THEMIS: variants seen among roughly 807,000 people sequenced by gnomAD.
THEMIS encodes the protein thymocyte selection associated.
THEMIS carries 37 observed loss-of-function variants against 52.6 expected under a neutral mutation model. The ratio of observed to expected loss-of-function variants is 0.70; its 90% CI spans 0.54 to 0.93. The LOEUF (loss-of-function observed/expected upper bound fraction) is 0.93, where lower values mean the gene tolerates loss of function less well. Ranked by LOEUF, THEMIS falls within the 40% of genes least tolerant of loss-of-function variation. The probability of loss-of-function intolerance (pLI) is 0.00; values close to 1 mark genes in which losing one functional copy is unlikely to be tolerated. For missense variants in THEMIS, 808 were observed against 763.1 expected, an observed-to-expected ratio of 1.06 and a Z score of -0.69; for synonymous variants, 292 against 272.7, an observed-to-expected ratio of 1.07 and a Z score of -0.70.
At chr6:127,858,246 T>A (rs1436376007) in intron 1 of THEMIS, among the ~76,000 whole-genome samples, 2 of 152,084 alleles carry the variant, frequency 1.3e-5, no homozygotes, top group Non-Finnish European at 2.9e-5. Context: ...ACTCTTCAGG[T>A]CTTTTTCCAA....
intron 1 of THEMIS, among the ~76,000 whole-genome samples, chr6:127,860,602 T>C (rs1427426590): frequency 6.6e-6 from 1 of 152,118 alleles, no homozygotes; most frequent in Non-Finnish European, 1.5e-5. Flanking sequence ...TGGTGAGTCT[T>C]ACTTAAAACA....
intron 3 of THEMIS, among the ~76,000 whole-genome samples, chr6:127,819,348 A>T (rs1318929847): frequency 6.6e-6 from 1 of 152,114 alleles, no homozygotes; most frequent in African/African-American, 2.4e-5. Flanking sequence ...AAGATGTAAC[A>T]TGTATGTCCT....
intron 2 of THEMIS, among the ~76,000 whole-genome samples, chr6:127,843,501 C>T (rs942101665): frequency 5.3e-5 from 8 of 151,678 alleles, no homozygotes; most frequent in East Asian, 3.9e-4. Flanking sequence ...TAAAATATTT[C>T]GATAATTTTA....
chr6:127,905,183 G>A (rs1490650097), upstream of THEMIS, among the ~76,000 whole-genome samples: 1 of 151,948 alleles, frequency 6.6e-6, no homozygotes, highest in Non-Finnish European at 1.5e-5. Flanking sequence ...GCAAAAGAAG[G>A]CACACTAAGG....
intron 4 of THEMIS, among the ~76,000 whole-genome samples, chr6:127,797,718 T>C (rs988954800): frequency 1.3e-5 from 2 of 152,312 alleles, no homozygotes; most frequent in South Asian, 4.1e-4. Context: ...CAGGATATGG[T>C]TAACAACCAT....
chr6:127,799,465 A>G (rs1466257840), intron 4 of THEMIS, among the ~76,000 whole-genome samples: 2 of 152,216 alleles, frequency 1.3e-5, no homozygotes, highest in Non-Finnish European at 2.9e-5. Context: ...AAGTCAGTAG[A>G]TGGTGGTGGC....
upstream of THEMIS, among the ~76,000 whole-genome samples, chr6:127,905,326 G>A (rs960336759): frequency 4.6e-5 from 7 of 151,916 alleles, no homozygotes; most frequent in Non-Finnish European, 5.9e-5. Context: ...ACCAATAAGG[G>A]TAGAACACAA....
At chr6:127,707,534 T>C (rs138766316), downstream of THEMIS, among the ~76,000 whole-genome samples, 1 of 152,256 alleles carries the variant, frequency 6.6e-6, no homozygotes, top group African/African-American at 2.4e-5. Flanking sequence ...CAGAGATGAC[T>C]GAAGTTTGGA....
chr6:127,901,955 A>G (rs1259075621), upstream of THEMIS, among the ~76,000 whole-genome samples: 5 of 152,066 alleles, frequency 3.3e-5, no homozygotes, highest in Admixed American at 1.3e-4. Context: ...TATTTTTTGC[A>G]TGTAACTGAA....
chr6:127,807,535 C>T (rs1223930051), intron 4 of THEMIS, among the ~76,000 whole-genome samples: 2 of 151,898 alleles, frequency 1.3e-5, no homozygotes, highest in Non-Finnish European at 2.9e-5. Flanking sequence ...TAAATATGTC[C>T]GTATTCTATC....
downstream of THEMIS, among the ~76,000 whole-genome samples, chr6:127,703,173 G>A (rs950634043): frequency 4.1e-5 from 6 of 147,628 alleles, no homozygotes; most frequent in African/African-American, 9.9e-5. Context: ...TCAGCCTCTC[G>A]AGTAGCTGGG....
At chr6:127,756,196 T>G (rs1775819978) in intron 4 of THEMIS, among the ~76,000 whole-genome samples, 1 of 152,208 alleles carries the variant, frequency 6.6e-6, no homozygotes, top group Non-Finnish European at 1.5e-5. Flanking sequence ...TATACAAGGC[T>G]GTCAGGTAAA....
At chr6:127,864,670 T>C (rs1452900429) in intron 1 of THEMIS, among the ~76,000 whole-genome samples, 1 of 152,078 alleles carries the variant, frequency 6.6e-6, no homozygotes, top group East Asian at 1.9e-4. Context: ...TAACAAATAC[T>C]AAATCAACCT....
chr6:127,824,819 A>G (rs1488760211), intron 3 of THEMIS, among the ~76,000 whole-genome samples: 3 of 152,078 alleles, frequency 2.0e-5, no homozygotes, highest in African/African-American at 7.2e-5. Context: ...CAGCTACTTG[A>G]CAGGCTGAGG....
rs145472818 is a variant in THEMIS, at chr6:127,814,955, G to A, written c.710-1024C>T. ...GAGGACTGCTTCAGCCCAGGAGTTC[G>A]AGACTAGCCTGGGCAATATAGTGAG... On this transcript the variant is annotated intron_variant, in intron 3 of 5. Transcript: ENST00000368248. Among the ~76,000 whole-genome samples the A allele has an allele frequency of 2.8e-3, 431 of 152,216 alleles. 1 individual carries two copies. The highest frequency in any genetic ancestry group is 9.7e-3 in the African/African-American group (402 of 41,526).
chr6:127,764,023 G>A lies in THEMIS; in HGVS notation c.1759-44200C>T, dbSNP rs113576434. 1.1e-3 allele frequency among the ~76,000 whole-genome samples: 167 copies of A among 151,954 alleles called. 1 individual carries two copies. Among genetic ancestry groups the A allele is most frequent in the African/African-American group, 3.8e-3 (157 of 41,508 alleles). On this transcript the variant is annotated intron_variant, in intron 4 of 5. Coordinates refer to ENST00000368248, the MANE Select transcript of THEMIS (RefSeq NM_001010923.3). ...ATCTGGTTTAATTAGATGTAGTTAAGGAAGAAACAAATGAGAGTATCATGA... is the reference window on the plus strand; with the variant it reads ...ATCTGGTTTAATTAGATGTAGTTAAAGAAGAAACAAATGAGAGTATCATGA...
intron 1 of THEMIS, among the ~76,000 whole-genome samples, chr6:127,878,061 A>G (rs548651748): frequency 2.0e-5 from 3 of 152,344 alleles, no homozygotes; most frequent in African/African-American, 7.2e-5. Flanking sequence ...TACCGCAAAT[A>G]TCACATGCTT....
At chr6:127,747,227 A>G (rs1222224662) in intron 4 of THEMIS, among the ~76,000 whole-genome samples, 1 of 138,674 alleles carries the variant, frequency 7.2e-6, no homozygotes, top group East Asian at 2.1e-4. Context: ...TATTATATGC[A>G]CATTATATGC....
chr6:127,803,370 T>C (rs896577486), intron 4 of THEMIS, among the ~76,000 whole-genome samples: 2 of 152,170 alleles, frequency 1.3e-5, no homozygotes, highest in Non-Finnish European at 2.9e-5. Flanking sequence ...TGCCTACTTA[T>C]CTCTCTAGGA....
Sources: gnomAD v4.1 joint callset for allele counts (sites outside exome capture counted in the v4.1 genomes callset) on GRCh38, gnomAD v4.1.1 for gene constraint, MANE v1.5 for transcripts, NCBI Gene and HGNC (gene_info 2026-07-23, HGNC 2026-07-21) for gene names.